PRKCQ: variants seen among roughly 807,000 people sequenced by gnomAD.
The protein encoded by PRKCQ is protein kinase C theta type.
PRKCQ carries 41 observed loss-of-function variants against 91.2 expected under a neutral mutation model. That is an observed-to-expected ratio of 0.45 (90% confidence interval 0.35 to 0.58). The LOEUF (loss-of-function observed/expected upper bound fraction) is 0.58, where lower values mean the gene tolerates loss of function less well. Among genes scored for constraint, PRKCQ ranks in the 20% least tolerant of loss-of-function variants. PRKCQ has a pLI of 0.00. For synonymous variants in PRKCQ, 307 were observed against 316.9 expected, an observed-to-expected ratio of 0.97 and a Z score of 0.33; for missense variants, 673 against 896.5, an observed-to-expected ratio of 0.75 and a Z score of 3.18.
At chr10:6,519,210 T>A (rs931866414) in intron 1 of PRKCQ, among the ~76,000 whole-genome samples, 1 of 152,136 alleles carries the variant, frequency 6.6e-6, no homozygotes, top group Non-Finnish European at 1.5e-5. Context: ...TAACCAGAAA[T>A]GAGAGTTTCT....
intron 4 of PRKCQ, among the ~76,000 whole-genome samples, chr10:6,500,961 A>G (rs1837879139): frequency 6.6e-6 from 1 of 152,214 alleles, no homozygotes; most frequent in South Asian, 2.1e-4. Flanking sequence ...ATGTGTACCC[A>G]TATTTTTTAG....
chr10:6,395,054 G>GTTTTTTTTTTTTTTTTT, the PRKCQ span, among the ~76,000 whole-genome samples: 1 of 129,952 alleles, frequency 7.7e-6, no homozygotes, highest in Non-Finnish European at 1.6e-5. Context: ...GGAAGCTGGA[G>GTTTTTTTTTTTTTTTTT]TCTTTTTTTT....
At chr10:6,457,326 C>A (rs529035910) in intron 14 of PRKCQ, among the ~76,000 whole-genome samples, 1 of 152,142 alleles carries the variant, frequency 6.6e-6, no homozygotes, top group Non-Finnish European at 1.5e-5. Flanking sequence ...AGAACCCATT[C>A]CATTCTTAGG....
At chr10:6,422,397 G>A (rs1479742779), downstream of PRKCQ, among the ~76,000 whole-genome samples, 2 of 152,168 alleles carry the variant, frequency 1.3e-5, no homozygotes, top group Non-Finnish European at 2.9e-5. Flanking sequence ...CATCGGGGGT[G>A]AGGCTGGGTG....
rs147928782 is a variant in PRKCQ, at chr10:6,528,331, A to C, written c.-9-13187T>G. ...CACCCATCTCCACCCTCCTCTTCTCATGTTGCAGGATCTGCTGATCTGCAG... is the reference window on the plus strand; with the variant it reads ...CACCCATCTCCACCCTCCTCTTCTCCTGTTGCAGGATCTGCTGATCTGCAG... On this transcript the variant is annotated intron_variant, in intron 1 of 17. Coordinates refer to ENST00000263125, the MANE Select transcript of PRKCQ (RefSeq NM_006257.5). Among the ~76,000 whole-genome samples the C allele has an allele frequency of 1.4e-3, 209 of 151,964 alleles. 4 individuals carry two copies. Among genetic ancestry groups the C allele is most frequent in the Non-Finnish European group, 7.4e-4 (50 of 67,972 alleles).
At chr10:6,453,745 A>G (rs1314776444) in intron 15 of PRKCQ, among the ~76,000 whole-genome samples, 2 of 151,972 alleles carry the variant, frequency 1.3e-5, no homozygotes, top group African/African-American at 4.8e-5. Context: ...CAGCCATAAA[A>G]AAATGATGAG....
intron 2 of PRKCQ, 120 bp from the exon 3 acceptor site, chr10:6,511,314 GACA>G: frequency 1.1e-6 from 1 of 904,522 alleles, no homozygotes; most frequent in Non-Finnish European, 1.7e-6. Flanking sequence ...CTGTTGGGAA[GACA>G]AAAGTAGCAC....
At chr10:6,434,490 C>T (rs891829030) in intron 16 of PRKCQ, among the ~76,000 whole-genome samples, 1 of 152,310 alleles carries the variant, frequency 6.6e-6, no homozygotes, top group South Asian at 2.1e-4. Flanking sequence ...ATATGTTCTG[C>T]CTTGCAGCGA....
chr10:6,515,677 C>T (rs1838722974), intron 1 of PRKCQ: 3 of 242,850 alleles, frequency 1.2e-5, no homozygotes, highest in Non-Finnish European at 2.0e-5. Context: ...TCAAAAAGGT[C>T]TGCTTTCTTC....
At chr10:6,472,910 G>T (rs183571294) in intron 12 of PRKCQ, among the ~76,000 whole-genome samples, 2 of 152,054 alleles carry the variant, frequency 1.3e-5, no homozygotes, top group East Asian at 3.9e-4. Flanking sequence ...ACAGAGTTTC[G>T]CCATGTTGGC....
chr10:6,565,143 G>A (rs142697169), intron 1 of PRKCQ, among the ~76,000 whole-genome samples: 28 of 152,332 alleles, frequency 1.8e-4, no homozygotes, highest in African/African-American at 6.7e-4. Context: ...AATGTTTGAT[G>A]CTTCTTTATA....
intron 4 of PRKCQ, among the ~76,000 whole-genome samples, chr10:6,505,547 T>C (rs950483281): frequency 1.3e-5 from 2 of 148,792 alleles, no homozygotes; most frequent in African/African-American, 5.0e-5. Context: ...TTTCTTTTCT[T>C]CTTTCTTTCT....
chr10:6,427,997 A>G lies in PRKCQ; in HGVS notation c.*210T>C. 1 of 596,486 alleles carries G rather than the reference A, an allele frequency of 1.7e-6. No individual in the cohort carries two copies. Among genetic ancestry groups the G allele is most frequent in the Non-Finnish European group, 2.9e-6 (1 of 343,174 alleles). The allele number at this position is 596,486 out of a possible 1,614,324, so 36.9% of individuals were successfully genotyped here. A position where few individuals can be genotyped will look rare whatever the true frequency, so the allele number is the denominator to read the frequency against. On this transcript the variant is annotated 3_prime_UTR_variant, in exon 18 of 18. Transcript: ENST00000263125. The stretch of plus-strand genomic sequence containing the variant: ...CTAACTTCAGGAGCGTCTGTGAGAC[A>G]TGTCAGGAGACGAGACACACGGCAT...
chr10:6,483,435 C>T lies in PRKCQ; in HGVS notation c.1179+5G>A, dbSNP rs1013899534. 3 of 1,614,180 alleles carry T rather than the reference C, an allele frequency of 1.9e-6. No homozygotes were observed. Among genetic ancestry groups the T allele is most frequent in the East Asian group, 4.5e-5 (2 of 44,886 alleles). ...GCCATAGCATTCTCCCGTGCATTAG[C>T]TTACCTTGCCAAAACTTCCTTTCCC... On this transcript the variant is annotated splice_donor_5th_base_variant and intron_variant, in intron 11 of 17. Coordinates refer to ENST00000263125, the MANE Select transcript of PRKCQ (RefSeq NM_006257.5).
In PRKCQ at chr10:6,515,147, G is replaced by A. The variant is rs767177992; in HGVS notation, c.-9-3C>T. ...AGAAATGGCGACATGGTTGCGCCCTGGAAAAAGACAAAAGACAAACGCTGT... is the reference window on the plus strand; with the variant it reads ...AGAAATGGCGACATGGTTGCGCCCTAGAAAAAGACAAAAGACAAACGCTGT... On this transcript the variant is annotated splice_region_variant and splice_polypyrimidine_tract_variant and intron_variant, in intron 1 of 17. Transcript: ENST00000263125. 2 of 1,611,426 alleles carry A rather than the reference G, an allele frequency of 1.2e-6. No homozygotes were observed. Among genetic ancestry groups the A allele is most frequent in the Admixed American group, 1.7e-5 (1 of 59,178 alleles).
chr10:6,565,891 A>G lies in PRKCQ; in HGVS notation c.-10+14320T>C, dbSNP rs535956068. ...TTCACGTTCTTCCTATGCAAGAGTT[A>G]TTTATGGCTACTGTTCATAGTACCC... On this transcript the variant is annotated intron_variant, in intron 1 of 17. Transcript: ENST00000263125. Among the ~76,000 whole-genome samples, 13 of 152,348 alleles carry G rather than the reference A, an allele frequency of 8.5e-5. 1 individual carries two copies. In the South Asian group the frequency reaches 2.3e-3, roughly 27 times the overall value.
the PRKCQ span, among the ~76,000 whole-genome samples, chr10:6,397,359 G>A: frequency 6.6e-6 from 1 of 152,066 alleles, no homozygotes; most frequent in African/African-American, 2.4e-5. Context: ...CCCTCAAAGT[G>A]CTGAGATTAC....
At chr10:6,493,681 G>A in intron 7 of PRKCQ, among the ~76,000 whole-genome samples, 1 of 152,204 alleles carries the variant, frequency 6.6e-6, no homozygotes, top group Middle Eastern at 3.2e-3. Flanking sequence ...AAGGCATCAA[G>A]TAAAGGAAGA....
At chr10:6,394,635 A>G in the PRKCQ span, among the ~76,000 whole-genome samples, 2 of 148,156 alleles carry the variant, frequency 1.3e-5, no homozygotes, top group Non-Finnish European at 3.0e-5. Context: ...CCAAATCGTC[A>G]GACGTGCAGT....
Sources: gnomAD v4.1 joint callset for allele counts (sites outside exome capture counted in the v4.1 genomes callset) on GRCh38, gnomAD v4.1.1 for gene constraint, MANE v1.5 for transcripts, NCBI Gene and HGNC (gene_info 2026-07-23, HGNC 2026-07-21) for gene names.